The following SLC27A2 variants were observed in gnomAD, a reference collection of about 807,000 sequenced individuals.
SLC27A2 encodes long-chain fatty acid transport protein 2.
In SLC27A2, 54 loss-of-function variants were observed where a neutral mutation model predicts 60.0. That is an observed-to-expected ratio of 0.90 (90% CI 0.72 to 1.13). The LOEUF (loss-of-function observed/expected upper bound fraction) is 1.13, where lower values mean the gene tolerates loss of function less well. Among genes scored for constraint, SLC27A2 ranks in the 50% most tolerant of loss-of-function variants. The pLI is 0.00. For missense variants in SLC27A2, 739 were observed against 777.6 expected (o/e 0.95, Z 0.59); for synonymous variants, 297 against 297.6 (o/e 1.00, Z 0.02).
At chr15:50,210,189 G>A (rs1048830048) in intron 4 of SLC27A2, among the ~76,000 whole-genome samples, 31 of 152,322 alleles carry the variant, frequency 2.0e-4, no homozygotes, top group African/African-American at 7.2e-4. Context: ...CAGCATGAGA[G>A]GCTCACATTG....
At chr15:50,195,440 G>A (rs1441381216) in intron 1 of SLC27A2, among the ~76,000 whole-genome samples, 2 of 151,662 alleles carry the variant, frequency 1.3e-5, no homozygotes, top group Admixed American at 6.5e-5. Flanking sequence ...GCAGTGAGCC[G>A]AGATCGCGCC....
Position 50,203,013 on chromosome 15 carries a change from T to TAAAAAA in SLC27A2, c.847+371_847+376dup, listed in dbSNP as rs5812508. On this transcript the variant is annotated intron_variant, in intron 3 of 9. Coordinates refer to ENST00000267842, the MANE Select transcript of SLC27A2 (RefSeq NM_003645.4). ...TGGGCAACATAGCAAACCTCATCTC[T>TAAAAAA]AAAAAAAATATATATATATATATAT... is the stretch of plus-strand genomic sequence containing the variant. Among the ~76,000 whole-genome samples the TAAAAAA allele has an allele frequency of 1.4e-3, 187 of 133,078 alleles. 3 individuals carry two copies. Among genetic ancestry groups the TAAAAAA allele is most frequent in the Admixed American group, 3.0e-3 (39 of 13,086 alleles). 87.3% of individuals were successfully genotyped at this position (133,078 alleles called of 152,430 possible). A position where few individuals can be genotyped will look rare whatever the true frequency, so the allele number is the denominator to read the frequency against.
intron 1 of SLC27A2, chr15:50,190,988 A>C (rs994592011): frequency 1.3e-5 from 2 of 152,260 alleles, no homozygotes; most frequent in African/African-American, 4.8e-5. Flanking sequence ...AGCCTCTTCC[A>C]AGAAATAAGG....
At chr15:50,217,216 A>G (rs1273003255) in intron 4 of SLC27A2, among the ~76,000 whole-genome samples, 1 of 152,166 alleles carries the variant, frequency 6.6e-6, no homozygotes, top group African/African-American at 2.4e-5. Context: ...CATGTAACCA[A>G]ATACCATCGG....
At chr15:50,203,944 C>A (rs1188744483) in intron 3 of SLC27A2, among the ~76,000 whole-genome samples, 1 of 152,030 alleles carries the variant, frequency 6.6e-6, no homozygotes, top group Non-Finnish European at 1.5e-5. Context: ...GACTTCCCAG[C>A]CTCCAGAACT....
chr15:50,226,194 G>C (rs1427464155), intron 6 of SLC27A2, 116 bp downstream of exon 6: 3 of 654,388 alleles, frequency 4.6e-6, no homozygotes, highest in Non-Finnish European at 8.2e-6. Context: ...GGAAAAGGGG[G>C]GTTTATTTAA....
At chr15:50,183,145 C>A (rs1370021065) in intron 1 of SLC27A2, among the ~76,000 whole-genome samples, 1 of 152,202 alleles carries the variant, frequency 6.6e-6, no homozygotes, top group East Asian at 1.9e-4. Flanking sequence ...GTTTTTAATC[C>A]TCACAATGGG....
Position 50,196,000 on chromosome 15 carries a change from G to T in SLC27A2, c.479-1500G>T, listed in dbSNP as rs577463906. ...ACCCGGGAGGCGGAGGTTGCAGTGA[G>T]CCAAGATCGCGCCACTGCACCCCAG... On this transcript the variant is annotated intron_variant, in intron 1 of 9. Transcript: ENST00000267842. Among the ~76,000 whole-genome samples, 11 of 135,688 alleles carry T rather than the reference G, an allele frequency of 8.1e-5. No individual in the cohort carries two copies. In the South Asian group the frequency reaches 2.7e-3, roughly 34 times the overall value. The allele number at this position is 135,688 out of a possible 152,430, so 89.0% of individuals were successfully genotyped here.
intron 7 of SLC27A2, among the ~76,000 whole-genome samples, chr15:50,228,245 C>T (rs570115476): frequency 6.6e-6 from 1 of 152,038 alleles, no homozygotes; most frequent in South Asian, 2.1e-4. Context: ...GACATAGTGG[C>T]ACGCGCCTGT....
rs2045032690 is a variant in SLC27A2 at position 50,197,487 on chromosome 15, T to A, written c.479-13T>A. 1 of 1,597,660 alleles carries A rather than the reference T, an allele frequency of 6.3e-7. No individual in the cohort carries two copies. The highest frequency in any genetic ancestry group is 8.6e-7 in the Non-Finnish European group (1 of 1,166,020). On this transcript the variant is annotated splice_polypyrimidine_tract_variant and intron_variant, in intron 1 of 9. Coordinates refer to ENST00000267842, the MANE Select transcript of SLC27A2 (RefSeq NM_003645.4). The stretch of plus-strand genomic sequence containing the variant: ...GATTTAGTTTGTTTTGATATTTTTC[T>A]TATTAAATTAAGAACTACAAGCAGC...
At chr15:50,233,499 T>A (rs1417070336) in intron 8 of SLC27A2, among the ~76,000 whole-genome samples, 1 of 152,238 alleles carries the variant, frequency 6.6e-6, no homozygotes. Context: ...TTCAATTCTG[T>A]ACCCTGCCTA....
chr15:50,231,431 A>G (rs28420348), intron 8 of SLC27A2, among the ~76,000 whole-genome samples: 23,462 of 152,088 alleles, frequency 0.15, 1,836 homozygotes, highest in Middle Eastern at 0.18. Context: ...GATTACAGGC[A>G]TGAGCCACCA....
In SLC27A2 at chr15:50,202,579, T is replaced by A; in HGVS notation, c.781T>A (p.Tyr261Asn). ...CGGATTGAAGGCAGATGATGTCATC[T>A]ATATCACTCTGCCCTTTTACCACAG... is the stretch of plus-strand genomic sequence containing the variant. Reference protein sequence around the residue: ...VSGLKADDVIYITLPFYHSAA... With the variant: ...VSGLKADDVINITLPFYHSAA... The change falls in exon 3 of 10, where the codon TAT (tyrosine) becomes AAT (asparagine). Residue 261 changes from tyrosine to asparagine, a missense_variant. By Grantham distance (143) the Tyr-to-Asn change is moderately radical (BLOSUM62 -2). Coordinates refer to ENST00000267842, the MANE Select transcript of SLC27A2 (RefSeq NM_003645.4). 6.2e-7 allele frequency: 1 copy of A among 1,614,196 alleles called. No homozygotes were observed. Among genetic ancestry groups the A allele is most frequent in the Non-Finnish European group, 8.5e-7 (1 of 1,180,008 alleles).
At chr15:50,199,096 C>G (rs892079805) in intron 2 of SLC27A2, among the ~76,000 whole-genome samples, 2 of 151,786 alleles carry the variant, frequency 1.3e-5, no homozygotes, top group Admixed American at 1.3e-4. Flanking sequence ...CCAATTGCTT[C>G]TGCTGCATGC....
intron 1 of SLC27A2, among the ~76,000 whole-genome samples, chr15:50,193,243 C>T (rs1863510): frequency 6.6e-6 from 1 of 152,190 alleles, no homozygotes; most frequent in African/African-American, 2.4e-5. Context: ...TTCTGCCCCC[C>T]ACCACCTGCT....
At chr15:50,214,667 T>G (rs2045182214) in intron 4 of SLC27A2, among the ~76,000 whole-genome samples, 1 of 152,086 alleles carries the variant, frequency 6.6e-6, no homozygotes, top group Admixed American at 6.5e-5. Context: ...GTTTCACATA[T>G]GCAAGTCAAT....
Position 50,229,050 on chromosome 15 carries a change from C to T in SLC27A2, c.1555+8C>T, listed in dbSNP as rs759986689. On this transcript the variant is annotated splice_region_variant and intron_variant, in intron 8 of 9. Coordinates refer to ENST00000267842, the MANE Select transcript of SLC27A2 (RefSeq NM_003645.4). ...ATGGAGTGCATGTGCCAGGTATATA[C>T]AAGATATGATCTGTACCTAACCCAT... 6.5e-6 allele frequency: 10 copies of T among 1,550,352 alleles called. No homozygotes were observed. The highest frequency in any genetic ancestry group is 8.8e-6 in the Non-Finnish European group (10 of 1,141,638).
At chr15:50,213,120 G>A (rs1320966339) in intron 4 of SLC27A2, among the ~76,000 whole-genome samples, 1 of 152,184 alleles carries the variant, frequency 6.6e-6, no homozygotes, top group Admixed American at 6.5e-5. Flanking sequence ...GGCATTTCAT[G>A]TGAAAGGACA....
intron 1 of SLC27A2, among the ~76,000 whole-genome samples, chr15:50,190,636 A>T (rs2044965540): frequency 6.8e-6 from 1 of 147,154 alleles, no homozygotes; most frequent in South Asian, 2.1e-4. Context: ...AAAAAAAGGC[A>T]GGGGCAGACT....
Sources: allele counts gnomAD v4.1 joint callset (sites outside exome capture counted in the v4.1 genomes callset), GRCh38; gene constraint gnomAD v4.1.1; transcripts MANE v1.5; gene names NCBI Gene and HGNC (gene_info 2026-07-23, HGNC 2026-07-21).